Variants in BIN3 observed in about 807,000 individuals in gnomAD.
The protein encoded by BIN3 is bridging integrator 3.
Under a neutral mutation model 38.2 loss-of-function variants are expected in BIN3, and 41 were observed. The observed-to-expected ratio is 1.07, with a 90% confidence interval of 0.84 to 1.39. The LOEUF (loss-of-function observed/expected upper bound fraction) is 1.39. Among genes scored for constraint, BIN3 ranks in the 40% most tolerant of loss-of-function variants. BIN3 has a pLI of 0.00. For synonymous variants in BIN3, 145 were observed against 122.6 expected (o/e 1.18, Z -1.21); for missense variants, 361 against 324.3 (o/e 1.11, Z -0.87).
rs531703290 is a variant in BIN3 at position 22,635,778 on chromosome 8, G to A, written c.160+747C>T. 2.6e-5 allele frequency among the ~76,000 whole-genome samples: 4 copies of A among 152,304 alleles called. No individual in the cohort carries two copies. In the East Asian group the frequency reaches 5.8e-4, roughly 22 times the overall value. On this transcript the variant is annotated intron_variant, in intron 4 of 8. Coordinates refer to ENST00000276416, the MANE Select transcript of BIN3 (RefSeq NM_018688.6). ...TTTGGTCAAGTGCTTGCTGCTCCGGGGTGGGAAAGTCAAGGCCTTGGAGAA... is the reference window on the plus strand; with the variant it reads ...TTTGGTCAAGTGCTTGCTGCTCCGGAGTGGGAAAGTCAAGGCCTTGGAGAA...
chr8:22,638,380 G>T (rs1418013506), intron 2 of BIN3, among the ~76,000 whole-genome samples: 2 of 152,258 alleles, frequency 1.3e-5, no homozygotes, highest in African/African-American at 4.8e-5. Context: ...TGGTGGCAAT[G>T]CAAGGCTAGA....
At chr8:22,633,140 T>TGAGCA (rs1019243926) in intron 4 of BIN3, among the ~76,000 whole-genome samples, 2 of 152,146 alleles carry the variant, frequency 1.3e-5, no homozygotes, top group African/African-American at 4.8e-5. Context: ...CCGCTTCATG[T>TGAGCA]GAGCAGAGCA....
At chr8:22,639,627 G>C (rs1407116212) in intron 2 of BIN3, among the ~76,000 whole-genome samples, 1 of 152,120 alleles carries the variant, frequency 6.6e-6, no homozygotes, top group Non-Finnish European at 1.5e-5. Context: ...AGATTGCAAG[G>C]TGCCTGGCCC....
intron 4 of BIN3, 49 bp downstream of exon 4, chr8:22,636,476 C>A: frequency 6.5e-7 from 1 of 1,542,148 alleles, no homozygotes; most frequent in South Asian, 1.2e-5. Context: ...AGGGTGCCCA[C>A]CTCTGCCCCA....
At chr8:22,663,481 T>C (rs1803310048) in intron 1 of BIN3, among the ~76,000 whole-genome samples, 1 of 151,372 alleles carries the variant, frequency 6.6e-6, no homozygotes, top group Non-Finnish European at 1.5e-5. Context: ...TTGTCCAAGT[T>C]AGCATCCTTG....
intron 2 of BIN3, among the ~76,000 whole-genome samples, chr8:22,643,555 C>T (rs1361231308): frequency 2.6e-5 from 4 of 152,232 alleles, no homozygotes; most frequent in African/African-American, 9.6e-5. Flanking sequence ...ATGATGCCCC[C>T]ACGTTGGCCT....
chr8:22,652,867 C>T (rs1389698506), intron 1 of BIN3, among the ~76,000 whole-genome samples: 1 of 152,066 alleles, frequency 6.6e-6, no homozygotes, highest in Non-Finnish European at 1.5e-5. Context: ...GTTTGGTTGC[C>T]TCTTCATGTG....
chr8:22,640,543 T>C (rs1377756281), intron 2 of BIN3, among the ~76,000 whole-genome samples: 1 of 152,108 alleles, frequency 6.6e-6, no homozygotes, highest in Non-Finnish European at 1.5e-5. Flanking sequence ...TCTTTACTTA[T>C]TAAAAGTATT....
intron 1 of BIN3, among the ~76,000 whole-genome samples, chr8:22,666,685 C>T (rs1330548110): frequency 1.3e-5 from 2 of 152,142 alleles, no homozygotes; most frequent in Non-Finnish European, 2.9e-5. Flanking sequence ...ATGCAAAGTC[C>T]ACAGTGTGCA....
intron 1 of BIN3, among the ~76,000 whole-genome samples, chr8:22,662,214 T>C (rs573078576): frequency 3.9e-4 from 60 of 152,346 alleles, no homozygotes; most frequent in African/African-American, 1.3e-3. Context: ...CATGGAGGTA[T>C]GGGAGTTTCT....
intron 6 of BIN3, chr8:22,625,494 A>T: frequency 1.5e-6 from 1 of 688,100 alleles, no homozygotes; most frequent in Non-Finnish European, 2.7e-6. Flanking sequence ...ATAGGCACTC[A>T]GAGTTGAGAG....
At chr8:22,622,355 T>C (rs568443709) in intron 8 of BIN3, among the ~76,000 whole-genome samples, 1 of 152,184 alleles carries the variant, frequency 6.6e-6, no homozygotes, top group Non-Finnish European at 1.5e-5. Context: ...AAGGGGACCT[T>C]GTGGGAAATG....
At chr8:22,636,700 G>A in intron 3 of BIN3, 114 bp from the exon 4 acceptor site, 1 of 1,210,826 alleles carries the variant, frequency 8.3e-7, no homozygotes, top group Non-Finnish European at 1.2e-6. Context: ...TTCTCCACGG[G>A]GACTTTTCCC....
intron 4 of BIN3, among the ~76,000 whole-genome samples, chr8:22,634,191 C>A (rs562370481): frequency 1.3e-5 from 2 of 152,230 alleles, no homozygotes; most frequent in African/African-American, 2.4e-5. Context: ...AAGAAAAATG[C>A]GACCCAAGTA....
chr8:22,621,555 G>A lies in BIN3; in HGVS notation c.629C>T (p.Ser210Leu), dbSNP rs764386429. Reference sequence around the variant, plus strand: ...GTCTCCAAAGATCTTGTGCATTTCCGAGTAGTACACAACCTGGGGGAGGCG... The same window carrying A: ...GTCTCCAAAGATCTTGTGCATTTCCAAGTAGTACACAACCTGGGGGAGGCG... The part of the protein sequence containing the change: ...SLIRAQVVYY[S>L]EMHKIFGDLS... The change falls in exon 9 of 9, where the codon TCG (serine) becomes TTG (leucine). Residue 210 changes from serine (S) to leucine (L), a missense_variant. Physicochemically the swap from Ser to Leu is moderately radical, Grantham distance 145. Coordinates refer to ENST00000276416, the MANE Select transcript of BIN3 (RefSeq NM_018688.6). The A allele has an allele frequency of 1.9e-5, 31 of 1,613,634 alleles. No homozygotes were observed. The South Asian group carries it at 3.0e-4, about 15-fold the overall frequency.
chr8:22,636,562 C>A lies in BIN3; in HGVS notation c.123G>T (p.Leu41=). The A allele has an allele frequency of 1.9e-6, 3 of 1,552,648 alleles. No individual in the cohort carries two copies. The highest frequency in any genetic ancestry group is 2.6e-6 in the Non-Finnish European group (3 of 1,147,632). Residue 41 remains leucine, a synonymous_variant, in exon 4 of 9, where the codon CTG becomes CTT. Transcript: ENST00000276416. ...CGGTGCTCTTCTTCATGTCTTTCTG[C>A]AGCCTCCGGGTCTGCTCTTCCAGCC... is the stretch of plus-strand genomic sequence containing the variant. ...LQQLEEQTRR[L]QKDMKKSTDA...
intron 4 of BIN3, among the ~76,000 whole-genome samples, chr8:22,632,690 G>A (rs1411963272): frequency 2.7e-5 from 4 of 146,704 alleles, no homozygotes; most frequent in African/African-American, 5.0e-5. Flanking sequence ...GCGAGGACAC[G>A]GTCTTTCCAC....
At chr8:22,654,280 T>G (rs1802990604) in intron 1 of BIN3, among the ~76,000 whole-genome samples, 1 of 152,246 alleles carries the variant, frequency 6.6e-6, no homozygotes, top group South Asian at 2.1e-4. Flanking sequence ...GTAGGATTTG[T>G]GAGGGAGATA....
chr8:22,664,428 A>G (rs1053379382), intron 1 of BIN3, among the ~76,000 whole-genome samples: 3 of 152,232 alleles, frequency 2.0e-5, no homozygotes, highest in African/African-American at 7.2e-5. Context: ...AAAGTCACAG[A>G]GGACATGAGT....
Sources: allele counts gnomAD v4.1 joint callset (sites outside exome capture counted in the v4.1 genomes callset), GRCh38; gene constraint gnomAD v4.1.1; transcripts MANE v1.5; gene names NCBI Gene and HGNC (gene_info 2026-07-23, HGNC 2026-07-21).